The following TSC2 variants were observed in gnomAD, a reference collection of about 807,000 sequenced individuals.
The protein encoded by TSC2 is TSC complex subunit 2, also known as tuberin.
TSC2 carries 29 observed loss-of-function variants against 202.2 expected under a neutral mutation model. That is an observed-to-expected ratio of 0.14 (90% CI 0.11 to 0.20). The LOEUF is 0.20. TSC2 is among the 10% of genes least tolerant of loss of function. TSC2 has a pLI of 1.00. For synonymous variants in TSC2, 1,349 were observed against 1,044.0 expected, an observed-to-expected ratio of 1.29 and a Z score of -5.63; for missense variants, 2,429 against 2,420.0, an observed-to-expected ratio of 1.00 and a Z score of -0.08.
intron 13 of TSC2, 40 bp from the exon 14 acceptor site, chr16:2,062,932 G>C (rs1005498458): frequency 2.2e-5 from 34 of 1,543,140 alleles, no homozygotes; most frequent in Non-Finnish European, 2.7e-5. Context: ...GGCTGTGGCC[G>C]GGCACTCCCC....
intron 33 of TSC2, 105 bp downstream of exon 33, chr16:2,083,921 TG>T: frequency 6.8e-7 from 1 of 1,477,454 alleles, no homozygotes; most frequent in Non-Finnish European, 9.0e-7. Flanking sequence ...GCTCTGAACT[TG>T]GGGGAGATGT....
intron 38 of TSC2, 74 bp downstream of exon 38, chr16:2,086,945 C>T (rs2090885817): frequency 3.9e-6 from 6 of 1,543,164 alleles, no homozygotes; most frequent in Admixed American, 2.0e-5. Flanking sequence ...GGTGGCAGGT[C>T]CTCCTCCCTG....
chr16:2,085,329 C>A lies in TSC2; in HGVS notation c.4662+7C>A, dbSNP rs1555515435. ...GTATGTTGGAGAAGGCCAGGTGAGG[C>A]TGCGGGGCCGGCCTAGGTGCCTGGA... On this transcript the variant is annotated splice_region_variant and intron_variant, in intron 36 of 41. Coordinates refer to ENST00000219476, the MANE Select transcript of TSC2 (RefSeq NM_000548.5). The A allele has an allele frequency of 6.2e-7, 1 of 1,612,562 alleles. No homozygotes were observed. Among genetic ancestry groups the A allele is most frequent in the Non-Finnish European group, 8.5e-7 (1 of 1,179,882 alleles).
Position 2,053,350 on chromosome 16 carries a change from G to A in TSC2, c.234G>A (p.Val78=), listed in dbSNP as rs1347487177. The A allele has an allele frequency of 3.8e-6, 6 of 1,584,536 alleles. No individual in the cohort carries two copies. Among genetic ancestry groups the A allele is most frequent in the South Asian group, 2.3e-5 (2 of 86,512 alleles). ...CCCTCTGCTGGTGACAGCACGCAGT[G>A]GAAGCACTCTGGAAGGCGGTCGCGG... ...AKTKKFEEHA[V]EALWKAVADL... Residue 78 remains valine (V), a synonymous_variant, in exon 4 of 42, where the codon GTG becomes GTA. Coordinates refer to ENST00000219476, the MANE Select transcript of TSC2 (RefSeq NM_000548.5).
rs1181124850 is a variant in TSC2 at position 2,070,424 on chromosome 16, G to A, written c.1717-32G>A. The A allele has an allele frequency of 3.7e-6, 6 of 1,613,092 alleles. No individual in the cohort carries two copies. In the Admixed American group the frequency reaches 1.0e-4, roughly 27 times the overall value. ...TCTTAGGACTGCGTTTTCACCTCCT[G>A]CGCCGTGGTGAGCTGCGTCCTCTCT... On this transcript the variant is annotated intron_variant, in intron 16 of 41. Coordinates refer to ENST00000219476, the MANE Select transcript of TSC2 (RefSeq NM_000548.5).
At chr16:2,082,357 A>C (rs1388691037) in intron 31 of TSC2, 79 bp from the exon 32 acceptor site, 1 of 1,531,760 alleles carries the variant, frequency 6.5e-7, no homozygotes, top group Non-Finnish European at 9.0e-7. Context: ...CTCTGCAGGC[A>C]CGGGGCCTGT....
intron 30 of TSC2, chr16:2,081,273 G>GACA (rs2090112414): frequency 2.4e-6 from 1 of 420,960 alleles, no homozygotes; most frequent in African/African-American, 2.0e-5. Flanking sequence ...AGAGCCCAGG[G>GACA]GCGCCTGGGT....
In TSC2 at chr16:2,055,394, T is replaced by TC; in HGVS notation, c.482-3dup. 1 of 1,613,176 alleles carries TC rather than the reference T, an allele frequency of 6.2e-7. No individual in the cohort carries two copies. The highest frequency in any genetic ancestry group is 8.5e-7 in the Non-Finnish European group (1 of 1,179,186). On this transcript the variant is annotated splice_region_variant and splice_polypyrimidine_tract_variant and intron_variant, in intron 5 of 41. Transcript: ENST00000219476. ...CGTCCTCGCAAACTGCCGCCGCTTC[T>TC]CCCCCAGCTGACTTTGTCCTGCAGT...
intron 10 of TSC2, among the ~76,000 whole-genome samples, chr16:2,060,393 C>T (rs1459789173): frequency 6.6e-6 from 1 of 152,182 alleles, no homozygotes; most frequent in Non-Finnish European, 1.5e-5. Context: ...TGCTGCTGGG[C>T]TGGCCCACCG....
In TSC2 at chr16:2,080,367, G is replaced by A. The variant is rs1410559096; in HGVS notation, c.3600G>A (p.Arg1200=). ...LTQGWAEILV[R]RPTGNTSWLM... ...AGGGCTGGGCGGAGATCCTGGTCCG[G>A]AGGCCCACAGGTACTGGGCGGGGCT... Residue 1200 remains arginine (R), a synonymous_variant, in exon 30 of 42, where the codon CGG becomes CGA. Transcript: ENST00000219476. 6.2e-6 allele frequency: 10 copies of A among 1,611,578 alleles called. No individual in the cohort carries two copies. The Middle Eastern group carries it at 7.6e-4, about 122-fold the overall frequency.
At chr16:2,054,173 G>A (rs748189331) in intron 4 of TSC2, 123 bp from the exon 5 acceptor site, 62 of 1,468,674 alleles carry the variant, frequency 4.2e-5, no homozygotes, top group African/African-American at 1.7e-4. Context: ...CTTGCAGGGC[G>A]CCTCTGTGGG....
chr16:2,082,417 A>G lies in TSC2; in HGVS notation c.3815-19A>G, dbSNP rs1192491372. On this transcript the variant is annotated intron_variant, in intron 31 of 41. Coordinates refer to ENST00000219476, the MANE Select transcript of TSC2 (RefSeq NM_000548.5). ...CCCCTCCTCCTGCTGACGTGGCCGC[A>G]CACGGCCTTCCCTTGCAGTGGCCTC... 6.2e-7 allele frequency: 1 copy of G among 1,612,242 alleles called. No individual in the cohort carries two copies. Among genetic ancestry groups the G allele is most frequent in the African/African-American group, 1.3e-5 (1 of 74,934 alleles).
chr16:2,056,930 A>G, intron 8 of TSC2, 161 bp downstream of exon 8: 3 of 1,402,398 alleles, frequency 2.1e-6, no homozygotes, highest in Non-Finnish European at 3.0e-6. Context: ...AGCTGAGGTC[A>G]GGGTTTTGGT....
intron 22 of TSC2, chr16:2,075,113 G>A (rs1483338094): frequency 6.4e-6 from 1 of 157,044 alleles, no homozygotes; most frequent in Non-Finnish European, 1.4e-5. Context: ...CTACTCAGGA[G>A]GCTAAGGCAG....
intron 30 of TSC2, chr16:2,080,633 G>GC (rs1370858709): frequency 4.0e-6 from 2 of 502,684 alleles, no homozygotes; most frequent in Non-Finnish European, 7.2e-6. Flanking sequence ...ACAGGCGCCC[G>GC]CCACCACGCC....
In TSC2 at chr16:2,088,654, T is replaced by A; in HGVS notation, c.*44T>A. On this transcript the variant is annotated 3_prime_UTR_variant, in exon 42 of 42. Transcript: ENST00000219476. The stretch of plus-strand genomic sequence containing the variant: ...TGCACTGGCCTTGGACGGTATTGCC[T>A]GTCAGTGAAATAAATAAAGTCCTGA... 1 of 1,572,804 alleles carries A rather than the reference T, an allele frequency of 6.4e-7. No homozygotes were observed. The highest frequency in any genetic ancestry group is 8.6e-7 in the Non-Finnish European group (1 of 1,166,484).
Position 2,073,115 on chromosome 16 carries a change from C to T in TSC2, c.2355+132C>T, listed in dbSNP as rs975214356. On this transcript the variant is annotated intron_variant, in intron 21 of 41. Transcript: ENST00000219476. ...GGATGAGTGAGTTGGCTCTGCTTCC[C>T]TGGGTGGCTGCCAGATGCCCAGAGT... The T allele has an allele frequency of 1.9e-5, 27 of 1,434,206 alleles. No homozygotes were observed. The Admixed American group carries it at 5.0e-4, about 26-fold the overall frequency. 88.8% of individuals were successfully genotyped at this position (1,434,206 alleles called of 1,614,324 possible).
chr16:2,063,001 A>G lies in TSC2; in HGVS notation c.1391A>G (p.Lys464Arg), dbSNP rs1033108057. The G allele has an allele frequency of 3.2e-6, 5 of 1,551,324 alleles. No homozygotes were observed. Among genetic ancestry groups the G allele is most frequent in the South Asian group, 2.4e-5 (2 of 84,060 alleles). Residue 464 changes from lysine (K) to arginine (R), a missense_variant, in exon 14 of 42, where the codon AAG becomes AGG. Physicochemically the swap from Lys to Arg is conservative, Grantham distance 26. Transcript: ENST00000219476. ...RSESRGAVRI[K>R]VLDVLSFVLL... ...GAGTCCCGAGGCGCCGTGCGCATCA[A>G]GGTGCTGGACGTGCTGTCCTTTGTG...
At chr16:2,084,181 C>T (rs758062092) in intron 33 of TSC2, 47 bp from the exon 34 acceptor site, 36 of 1,550,602 alleles carry the variant, frequency 2.3e-5, no homozygotes, top group Admixed American at 2.2e-4. Flanking sequence ...CAGGTGGGCT[C>T]GAGGGTGCCT....
Sources: allele counts gnomAD v4.1 joint callset (sites outside exome capture counted in the v4.1 genomes callset), GRCh38; gene constraint gnomAD v4.1.1; transcripts MANE v1.5; gene names NCBI Gene and HGNC (gene_info 2026-07-23, HGNC 2026-07-21).